Variants in COX4I1 observed in about 807,000 individuals in gnomAD.
The protein encoded by COX4I1 is cytochrome c oxidase subunit 4 isoform 1, mitochondrial.
COX4I1 carries 18 observed loss-of-function variants against 21.7 expected under a neutral mutation model. The observed-to-expected ratio is 0.83, with a 90% confidence interval of 0.57 to 1.23. The LOEUF is 1.23. Among genes scored for constraint, COX4I1 ranks in the 50% most tolerant of loss-of-function variants. The probability of loss-of-function intolerance (pLI) is 0.00; values close to 1 mark genes in which losing one functional copy is unlikely to be tolerated. For synonymous variants in COX4I1, 100 were observed against 81.5 expected, an observed-to-expected ratio of 1.23 and a Z score of -1.23; for missense variants, 238 against 220.7, an observed-to-expected ratio of 1.08 and a Z score of -0.50.
chr16:85,806,813 T>C lies in COX4I1; in HGVS notation c.449T>C (p.Val150Ala). The change falls in exon 5 of 5, where the codon GTG (valine) becomes GCG (alanine). Residue 150 changes from valine (V) to alanine (A), a missense_variant. By Grantham distance (64) the Val-to-Ala change is moderately conservative (BLOSUM62 0). Coordinates refer to ENST00000253452, the MANE Select transcript of COX4I1 (RefSeq NM_001861.6). ...ACCAAGAGGATGCTGGACATGAAGG[T>C]GAACCCCATCCAGGGCTTAGCCTCC... Reference protein sequence around the residue: ...KQTKRMLDMKVNPIQGLASKW... With the variant: ...KQTKRMLDMKANPIQGLASKW... 2.5e-6 allele frequency: 4 copies of C among 1,614,152 alleles called. No individual in the cohort carries two copies. The highest frequency in any genetic ancestry group is 3.4e-6 in the Non-Finnish European group (4 of 1,180,024).
chr16:85,806,754 G>T lies in COX4I1; in HGVS notation c.390G>T (p.Pro130=), dbSNP rs564372819. ...WQKHYVYGPL[P]QSFDKEWVAK... is the part of the protein sequence containing the mutation. The stretch of plus-strand genomic sequence containing the variant: ...ACACCGTAGTGTACGGCCCCCTCCC[G>T]CAAAGCTTTGACAAAGAGTGGGTGG... Residue 130 remains proline (P), a synonymous_variant, in exon 5 of 5, where the codon CCG becomes CCT. Transcript: ENST00000253452. The T allele has an allele frequency of 1.2e-6, 2 of 1,614,106 alleles. No homozygotes were observed. Among genetic ancestry groups the T allele is most frequent in the Non-Finnish European group, 1.7e-6 (2 of 1,180,012 alleles).
chr16:85,802,170 C>G (rs1469310747), intron 2 of COX4I1, among the ~76,000 whole-genome samples: 1 of 152,220 alleles, frequency 6.6e-6, no homozygotes, highest in Admixed American at 6.5e-5. Flanking sequence ...GCCCCAGCCC[C>G]CTGGCCTTAC....
chr16:85,806,332 C>T lies in COX4I1; in HGVS notation c.374-406C>T, dbSNP rs777914867. On this transcript the variant is annotated intron_variant, in intron 4 of 4. Transcript: ENST00000253452. ...TTGCTCGCTCGTGGTAATGACTCTT[C>T]CCCGAGGTTCTTTCTGTCCAGGCAG... 6.4e-5 allele frequency: 40 copies of T among 628,354 alleles called. No homozygotes were observed. In the Middle Eastern group the frequency reaches 9.9e-4, roughly 16 times the overall value. The allele number at this position is 628,354 out of a possible 1,614,324, so 38.9% of individuals were successfully genotyped here. A position where few individuals can be genotyped will look rare whatever the true frequency, so the allele number is the denominator to read the frequency against.
At chr16:85,806,178 C>T (rs554046841) in intron 4 of COX4I1, 18 of 583,318 alleles carry the variant, frequency 3.1e-5, no homozygotes, top group South Asian at 2.0e-4. Flanking sequence ...AAGATGACTT[C>T]GTGAAGGTTC....
intron 2 of COX4I1, 128 bp downstream of exon 2, chr16:85,801,406 A>C: frequency 1.5e-6 from 1 of 659,046 alleles, no homozygotes; most frequent in Non-Finnish European, 2.6e-6. Context: ...GGGGAGATAT[A>C]AATGTTCTCA....
In COX4I1 at chr16:85,804,953, C is replaced by A; in HGVS notation, c.90C>A (p.Ser30Arg). 6.2e-7 allele frequency: 1 copy of A among 1,609,510 alleles called. No individual in the cohort carries two copies. The highest frequency in any genetic ancestry group is 8.5e-7 in the Non-Finnish European group (1 of 1,178,456). Reference sequence around the variant, plus strand: ...GTTTTTCAGAAAGTGTTGTGAAGAGCGAAGACTTTTCGCTCCCAGCTTATA... The same window carrying A: ...GTTTTTCAGAAAGTGTTGTGAAGAGAGAAGACTTTTCGCTCCCAGCTTATA... ...CVRAHESVVK[S>R]EDFSLPAYMD... Residue 30 changes from serine to arginine, a missense_variant, in exon 3 of 5, where the codon AGC becomes AGA. Ser to Arg is a moderately radical substitution (Grantham distance 110). Transcript: ENST00000253452.
chr16:85,801,377 C>T (rs1034657724), intron 2 of COX4I1, 99 bp downstream of exon 2: 21 of 1,042,576 alleles, frequency 2.0e-5, no homozygotes, highest in Non-Finnish European at 2.5e-5. Context: ...GACCTTAATT[C>T]GGCTCTTGAG....
intron 2 of COX4I1, 119 bp from the exon 3 acceptor site, chr16:85,804,818 T>TGA: frequency 2.4e-6 from 2 of 840,070 alleles, no homozygotes; most frequent in Non-Finnish European, 3.7e-6. Context: ...TGTGACCCCC[T>TGA]GAGATGATCC....
intron 3 of COX4I1, 137 bp downstream of exon 3, chr16:85,805,241 A>C: frequency 1.2e-6 from 1 of 857,662 alleles, no homozygotes; most frequent in Non-Finnish European, 1.7e-6. Flanking sequence ...TTTCGGGGTC[A>C]CTGTGCCAGG....
intron 3 of COX4I1, 188 bp from the exon 4 acceptor site, chr16:85,805,543 CCT>C: frequency 1.4e-6 from 1 of 740,278 alleles, no homozygotes; most frequent in Non-Finnish European, 2.2e-6. Flanking sequence ...CTTTCCTTGC[CCT>C]GTCACATGCC....
At chr16:85,800,683 G>C (rs1027373125) in intron 1 of COX4I1, among the ~76,000 whole-genome samples, 2 of 152,116 alleles carry the variant, frequency 1.3e-5, no homozygotes, top group African/African-American at 4.8e-5. Context: ...GGGTGCAGTG[G>C]TGCGGTCTCG....
intron 3 of COX4I1, chr16:85,805,526 T>C: frequency 1.5e-6 from 1 of 667,670 alleles, no homozygotes; most frequent in Non-Finnish European, 2.5e-6. Flanking sequence ...ACTGTATGCA[T>C]TTTCTTCTTT....
intron 4 of COX4I1, chr16:85,806,527 T>A (rs1462109663): frequency 1.3e-6 from 1 of 746,998 alleles, no homozygotes; most frequent in Non-Finnish European, 2.4e-6. Flanking sequence ...TTTTAGCTTA[T>A]TTTGTTGCTA....
intron 2 of COX4I1, 24 bp from the exon 3 acceptor site, chr16:85,804,913 A>T: frequency 1.3e-6 from 2 of 1,584,034 alleles, no homozygotes; most frequent in Non-Finnish European, 1.7e-6. Context: ...GGATTTTCAA[A>T]GATTTATTCA....
At chr16:85,800,409 T>G (rs2152080248) in intron 1 of COX4I1, among the ~76,000 whole-genome samples, 1 of 152,286 alleles carries the variant, frequency 6.6e-6, no homozygotes, top group African/African-American at 2.4e-5. Flanking sequence ...TGGAAATTGA[T>G]CGGGGCTGTG....
In COX4I1 at chr16:85,801,110, A is replaced by G; in HGVS notation, c.-1-95A>G. 3.0e-6 allele frequency: 3 copies of G among 1,012,478 alleles called. No individual in the cohort carries two copies. In the South Asian group the frequency reaches 4.3e-5, roughly 14 times the overall value. The allele number at this position is 1,012,478 out of a possible 1,614,324, so 62.7% of individuals were successfully genotyped here. ...GATCATTTGCGTTGGGGAGAAGCAA[A>G]CAAAAAAATTCCAAAATGCTCTGGG... On this transcript the variant is annotated intron_variant, in intron 1 of 4. Transcript: ENST00000253452.
intron 1 of COX4I1, among the ~76,000 whole-genome samples, chr16:85,800,446 C>T (rs1403162976): frequency 1.3e-5 from 2 of 152,206 alleles, no homozygotes; most frequent in East Asian, 3.9e-4. Flanking sequence ...ATTTCCCCTT[C>T]TAGTCTATGT....
chr16:85,804,286 C>G (rs545802040), intron 2 of COX4I1: 11 of 152,354 alleles, frequency 7.2e-5, no homozygotes, highest in African/African-American at 2.6e-4. Context: ...GATAGGCTTT[C>G]ATTTTGTCCA....
intron 1 of COX4I1, among the ~76,000 whole-genome samples, chr16:85,800,367 G>T (rs912344396): frequency 2.0e-5 from 3 of 152,214 alleles, no homozygotes; most frequent in Non-Finnish European, 2.9e-5. Context: ...GGTGAGGGGG[G>T]GTCTCATAGG....
Sources: allele counts gnomAD v4.1 joint callset (sites outside exome capture counted in the v4.1 genomes callset), GRCh38; gene constraint gnomAD v4.1.1; transcripts MANE v1.5; gene names NCBI Gene and HGNC (gene_info 2026-07-23, HGNC 2026-07-21).